NCOA1: variants seen among roughly 807,000 people sequenced by gnomAD.
NCOA1 encodes Hin-2 protein.
A neutral mutation model predicts 150.9 loss-of-function variants in NCOA1; 35 were observed. The observed-to-expected ratio is 0.23, with a 90% CI of 0.18 to 0.31. NCOA1 has a LOEUF of 0.31. NCOA1 is among the 10% of genes least tolerant of loss of function. The probability of loss-of-function intolerance (pLI) is 1.00; values close to 1 mark genes in which losing one functional copy is unlikely to be tolerated. For missense variants in NCOA1, 1,491 were observed against 1,749.3 expected, an observed-to-expected ratio of 0.85 and a Z score of 2.63; for synonymous variants, 590 against 630.0, an observed-to-expected ratio of 0.94 and a Z score of 0.95.
chr2:24,617,120 G>A (rs1033421748), intron 3 of NCOA1, among the ~76,000 whole-genome samples: 3 of 152,102 alleles, frequency 2.0e-5, no homozygotes, highest in African/African-American at 7.2e-5. Flanking sequence ...TATGAAGTTG[G>A]GGAGGATGGT....
intron 3 of NCOA1, among the ~76,000 whole-genome samples, chr2:24,623,703 G>A (rs1669276659): frequency 1.3e-5 from 2 of 152,204 alleles, no homozygotes; most frequent in South Asian, 4.1e-4. Flanking sequence ...GATACCGTCA[G>A]GGTTGGTTTC....
chr2:24,590,105 T>C (rs1170591425), intron 3 of NCOA1, among the ~76,000 whole-genome samples: 1 of 152,224 alleles, frequency 6.6e-6, no homozygotes, highest in Non-Finnish European at 1.5e-5. Flanking sequence ...AAAACCAGAC[T>C]TTCAAAAACT....
chr2:24,502,334 G>A (rs940950977), intron 1 of NCOA1, among the ~76,000 whole-genome samples: 2 of 152,054 alleles, frequency 1.3e-5, no homozygotes, highest in Non-Finnish European at 2.9e-5. Flanking sequence ...AGTTTTGTAG[G>A]CTCTTTTCTC....
chr2:24,571,805 C>T (rs1203244333), intron 2 of NCOA1, among the ~76,000 whole-genome samples: 11 of 152,174 alleles, frequency 7.2e-5, no homozygotes, highest in Non-Finnish European at 4.4e-5. Context: ...CTAGAATTAG[C>T]TTACTGTGTA....
chr2:24,721,164 A>C (rs1674340196), intron 14 of NCOA1, among the ~76,000 whole-genome samples: 1 of 152,162 alleles, frequency 6.6e-6, no homozygotes, highest in Admixed American at 6.5e-5. Context: ...CCATCTATTG[A>C]GATCATTTCA....
chr2:24,706,779 A>G lies in NCOA1; in HGVS notation c.1309A>G (p.Ser437Gly). 6.2e-7 allele frequency: 1 copy of G among 1,614,224 alleles called. No individual in the cohort carries two copies. The highest frequency in any genetic ancestry group is 8.5e-7 in the Non-Finnish European group (1 of 1,180,040). ...HSSSHSNSSN[S>G]QGSFGCSPGS... ...CAGCAGTCATAGTAATTCTAGCAAC[A>G]GCCAAGGAAGTTTCGGATGCTCACC... Residue 437 changes from serine (S) to glycine (G), a missense_variant, in exon 13 of 23, where the codon AGC (serine) becomes GGC (glycine). By Grantham distance (56) the Ser-to-Gly change is moderately conservative. Transcript: ENST00000348332.
chr2:24,734,982 C>T (rs891371999), intron 17 of NCOA1, among the ~76,000 whole-genome samples: 4 of 151,958 alleles, frequency 2.6e-5, no homozygotes, highest in African/African-American at 9.7e-5. Context: ...GAAAGAATGG[C>T]GTGCATCATA....
chr2:24,684,538 G>A (rs902762800), intron 8 of NCOA1, among the ~76,000 whole-genome samples: 4 of 152,190 alleles, frequency 2.6e-5, no homozygotes, highest in African/African-American at 9.7e-5. Context: ...CTTGCTAGTG[G>A]TGCTGCTCCC....
chr2:24,623,367 T>A (rs1279072652), intron 3 of NCOA1, among the ~76,000 whole-genome samples: 1 of 152,214 alleles, frequency 6.6e-6, no homozygotes, highest in East Asian at 1.9e-4. Flanking sequence ...TTATATGGAT[T>A]ACCTATGGAA....
chr2:24,616,553 T>C (rs1250832458), intron 3 of NCOA1, among the ~76,000 whole-genome samples: 1 of 152,130 alleles, frequency 6.6e-6, no homozygotes, highest in African/African-American at 2.4e-5. Context: ...TCGGGGATTA[T>C]AGGAAAATAA....
intron 3 of NCOA1, among the ~76,000 whole-genome samples, chr2:24,631,146 TTG>T (rs1168208914): frequency 2.0e-5 from 3 of 152,166 alleles, no homozygotes; most frequent in Non-Finnish European, 4.4e-5. Context: ...TAAATTTTAT[TTG>T]GGGTAAAATT....
rs1220542275 is a variant in NCOA1 at position 24,616,401 on chromosome 2, T to C, written c.-174-27565T>C. Among the ~76,000 whole-genome samples, 3 of 152,112 alleles carry C rather than the reference T, an allele frequency of 2.0e-5. No individual in the cohort carries two copies. In the East Asian group the frequency reaches 5.8e-4, roughly 29 times the overall value. ...TCTTTCTCCAATGTTCCCAATAAAA[T>C]AGCATATTAAAAATGCAAGAGAAAT... On this transcript the variant is annotated intron_variant, in intron 3 of 22. Transcript: ENST00000348332.
intron 1 of NCOA1, among the ~76,000 whole-genome samples, chr2:24,509,016 G>C (rs1467361859): frequency 1.3e-5 from 2 of 152,162 alleles, no homozygotes; most frequent in African/African-American, 2.4e-5. Context: ...TGAGAATGAA[G>C]CAATATTGTG....
In NCOA1 at chr2:24,613,651, A is replaced by G. The variant is rs141741266; in HGVS notation, c.-175+29091A>G. On this transcript the variant is annotated intron_variant, in intron 3 of 22. Coordinates refer to ENST00000348332, the MANE Select transcript of NCOA1 (RefSeq NM_003743.5). The stretch of plus-strand genomic sequence containing the variant: ...TGCGTACAGAGGGCCCTGCTGTACC[A>G]CAATCTCTACACAGGAAGGATGGGG... 5.3e-4 allele frequency among the ~76,000 whole-genome samples: 80 copies of G among 150,434 alleles called. No individual in the cohort carries two copies. The East Asian group carries it at 0.015, about 29-fold the overall frequency.
intron 2 of NCOA1, among the ~76,000 whole-genome samples, chr2:24,573,310 C>A (rs542598563): frequency 1.4e-4 from 22 of 152,170 alleles, no homozygotes; most frequent in African/African-American, 5.3e-4. Flanking sequence ...TCCCAATAAC[C>A]ATTTAGGTGT....
At chr2:24,713,929 C>G (rs56080314) in intron 14 of NCOA1, among the ~76,000 whole-genome samples, 3,458 of 152,234 alleles carry the variant, frequency 0.023, 50 homozygotes, top group Middle Eastern at 0.13. Flanking sequence ...TCTTTTCTAT[C>G]CTTGGCTGAA....
In NCOA1 at chr2:24,655,613, A is replaced by G. The variant is rs1670904393; in HGVS notation, c.-17-3048A>G. Among the ~76,000 whole-genome samples the G allele has an allele frequency of 2.6e-5, 4 of 152,156 alleles. No homozygotes were observed. The South Asian group carries it at 8.3e-4, about 31-fold the overall frequency. Reference sequence around the variant, plus strand: ...TTAAGTAAGAGATTGACATGATTAGATATACACTTGGTAGCCTACTCTGGT... The same window carrying G: ...TTAAGTAAGAGATTGACATGATTAGGTATACACTTGGTAGCCTACTCTGGT... On this transcript the variant is annotated intron_variant, in intron 4 of 22. Transcript: ENST00000348332.
intron 5 of NCOA1, among the ~76,000 whole-genome samples, chr2:24,664,926 A>T (rs1410154450): frequency 1.3e-5 from 2 of 152,200 alleles, no homozygotes; most frequent in Non-Finnish European, 2.9e-5. Flanking sequence ...AGTCATACTT[A>T]ACTGTCTTTA....
At chr2:24,617,864 C>T (rs962107087) in intron 3 of NCOA1, among the ~76,000 whole-genome samples, 1 of 152,208 alleles carries the variant, frequency 6.6e-6, no homozygotes, top group African/African-American at 2.4e-5. Context: ...TTCTTAAAAA[C>T]TGTGATATAC....
Sources: gnomAD v4.1 joint callset for allele counts (sites outside exome capture counted in the v4.1 genomes callset) on GRCh38, gnomAD v4.1.1 for gene constraint, MANE v1.5 for transcripts, NCBI Gene and HGNC (gene_info 2026-07-23, HGNC 2026-07-21) for gene names.